Variants in MECR observed in about 807,000 individuals in gnomAD.
MECR encodes mitochondrial trans-2-enoyl-CoA reductase, also known as enoyl-[acyl-carrier-protein] reductase, mitochondrial.
Under a neutral mutation model 49.1 loss-of-function variants are expected in MECR, and 37 were observed. That is an observed-to-expected ratio of 0.75 (90% CI 0.58 to 0.99). MECR has a LOEUF of 0.99. MECR is among the 50% of genes least tolerant of loss of function. The pLI is 0.00. For synonymous variants in MECR, 198 were observed against 191.1 expected, an observed-to-expected ratio of 1.04 and a Z score of -0.30; for missense variants, 470 against 479.6, an observed-to-expected ratio of 0.98 and a Z score of 0.19.
the MECR span, chr1:29,172,821 T>C: frequency 6.6e-6 from 1 of 152,100 alleles, no homozygotes; most frequent in South Asian, 2.1e-4. Context: ...ATGCACATAA[T>C]ACCCATCACA....
chr1:29,181,494 C>T, the MECR span: 3 of 604,810 alleles, frequency 5.0e-6, no homozygotes, highest in African/African-American at 3.9e-5. Flanking sequence ...CCGGGGCCTA[C>T]CCGCGCCCCC....
chr1:29,209,488 G>A (rs1002547423), intron 3 of MECR, among the ~76,000 whole-genome samples: 1 of 152,134 alleles, frequency 6.6e-6, no homozygotes, highest in South Asian at 2.1e-4. Flanking sequence ...GTGGAGTGGG[G>A]AGGGGCAGCG....
chr1:29,230,898 G>A lies in MECR; in HGVS notation c.9C>T (p.Val3=), dbSNP rs1187490458. The change falls in exon 1 of 10, where the codon GTC becomes GTT. Residue 3 remains valine, a synonymous_variant. Transcript: ENST00000263702. Reference sequence around the variant, plus strand: ...TTCGCACCCGCCACAGGGTACTGCAGACCCACATGCTCGCTCCAACCAACA... The same window carrying A: ...TTCGCACCCGCCACAGGGTACTGCAAACCCACATGCTCGCTCCAACCAACA... MW[V]CSTLWRVRTP... The A allele has an allele frequency of 3.1e-6, 5 of 1,604,546 alleles. No individual in the cohort carries two copies. The highest frequency in any genetic ancestry group is 3.4e-6 in the Non-Finnish European group (4 of 1,178,298).
Position 29,216,932 on chromosome 1 carries a change from C to CA in MECR, c.177-248dup. On this transcript the variant is annotated intron_variant, in intron 1 of 9. Coordinates refer to ENST00000263702, the MANE Select transcript of MECR (RefSeq NM_016011.5). ...GGCGGATAACCTGAGGTCAGGAGTT[C>CA]AAGACCAGCCTGGCCAACATGGTGA... 4.4e-6 allele frequency: 3 copies of CA among 680,576 alleles called. No homozygotes were observed. In the South Asian group the frequency reaches 7.1e-5, roughly 16 times the overall value. 42.2% of individuals were successfully genotyped at this position (680,576 alleles called of 1,614,324 possible).
chr1:29,182,003 A>C, the MECR span: 30 of 339,842 alleles, frequency 8.8e-5, no homozygotes, highest in Admixed American at 1.2e-3. Flanking sequence ...CTGGGGGAGG[A>C]GCTTGCCCGG....
chr1:29,217,031 G>A (rs1299009395), intron 1 of MECR, among the ~76,000 whole-genome samples: 4 of 149,948 alleles, frequency 2.7e-5, no homozygotes, highest in South Asian at 2.1e-4. Flanking sequence ...CTACTCGGGT[G>A]GCTGAGGCAG....
At chr1:29,198,991 A>C (rs1247375401) in intron 7 of MECR, among the ~76,000 whole-genome samples, 1 of 152,116 alleles carries the variant, frequency 6.6e-6, no homozygotes, top group African/African-American at 2.4e-5. Context: ...GGGAAGGGTA[A>C]GTCAAGCGCT....
the MECR span, among the ~76,000 whole-genome samples, chr1:29,174,235 A>T: frequency 2.0e-5 from 3 of 152,104 alleles, no homozygotes; most frequent in Non-Finnish European, 4.4e-5. Context: ...AGGAGCTCTT[A>T]AACACCGCAG....
the MECR span, among the ~76,000 whole-genome samples, chr1:29,178,505 G>A: frequency 4.6e-5 from 7 of 151,916 alleles, no homozygotes; most frequent in South Asian, 1.0e-3. Context: ...CACCATGCCC[G>A]GCTACTTTTT....
intron 1 of MECR, 110 bp from the exon 2 acceptor site, chr1:29,216,795 T>C: frequency 6.3e-7 from 1 of 1,576,578 alleles, no homozygotes; most frequent in Non-Finnish European, 8.6e-7. Flanking sequence ...CTGCCATGTG[T>C]GCCCAGGAAT....
intron 1 of MECR, among the ~76,000 whole-genome samples, chr1:29,218,581 G>GT (rs548948375): frequency 2.0e-4 from 30 of 152,274 alleles, no homozygotes; most frequent in Non-Finnish European, 3.8e-4. Context: ...TTGAAGAAAT[G>GT]TTTTATAATA....
the MECR span, among the ~76,000 whole-genome samples, chr1:29,187,329 C>T: frequency 6.6e-6 from 1 of 151,916 alleles, no homozygotes; most frequent in Non-Finnish European, 1.5e-5. Flanking sequence ...TCTCGTGCCT[C>T]AGCCTCCCGA....
chr1:29,227,385 A>T (rs570786537), intron 1 of MECR, among the ~76,000 whole-genome samples: 1 of 152,308 alleles, frequency 6.6e-6, no homozygotes, highest in East Asian at 1.9e-4. Context: ...CTTTACTTAG[A>T]TCTACAGTTT....
chr1:29,211,088 G>GTTT (rs112758931), intron 3 of MECR, among the ~76,000 whole-genome samples: 16 of 144,154 alleles, frequency 1.1e-4, no homozygotes, highest in African/African-American at 2.0e-4. Flanking sequence ...TAAATAAAGG[G>GTTT]TTTTTTTTTT....
At chr1:29,199,064 C>T (rs975479739) in intron 7 of MECR, among the ~76,000 whole-genome samples, 8 of 152,234 alleles carry the variant, frequency 5.3e-5, no homozygotes, top group African/African-American at 1.4e-4. Context: ...CTCACCTGCT[C>T]ATCAAGCCTG....
the MECR span, among the ~76,000 whole-genome samples, chr1:29,177,448 A>C: frequency 6.6e-6 from 1 of 152,002 alleles, no homozygotes; most frequent in African/African-American, 2.4e-5. Context: ...CGCCCGGCTA[A>C]CTTTGTATTT....
At chr1:29,228,075 C>T (rs1257245483) in intron 1 of MECR, among the ~76,000 whole-genome samples, 2 of 152,088 alleles carry the variant, frequency 1.3e-5, no homozygotes, top group Non-Finnish European at 1.5e-5. Context: ...ACGGTAGTTT[C>T]TAAAAGCACT....
At position 29,193,678 on chromosome 1, in the gene MECR, C is replaced by A; in HGVS notation, c.*344G>T. 4.0e-6 allele frequency: 1 copy of A among 247,886 alleles called. No homozygotes were observed. 15.4% of individuals were successfully genotyped at this position (247,886 alleles called of 1,614,324 possible). A position where few individuals can be genotyped will look rare whatever the true frequency, so the allele number is the denominator to read the frequency against. On this transcript the variant is annotated 3_prime_UTR_variant, in exon 10 of 10. Transcript: ENST00000263702. The stretch of plus-strand genomic sequence containing the variant: ...CTACTGGCCTTTGCACTGCCAGTAC[C>A]CACCCAGGCTTTGCTTTCAGGGTGG...
the MECR span, among the ~76,000 whole-genome samples, chr1:29,177,637 G>A: frequency 6.6e-6 from 1 of 151,970 alleles, no homozygotes; most frequent in South Asian, 2.1e-4. Flanking sequence ...GACCTTAATG[G>A]GAAATGGAAT....
Sources: gnomAD v4.1 joint callset for allele counts (sites outside exome capture counted in the v4.1 genomes callset) on GRCh38, gnomAD v4.1.1 for gene constraint, MANE v1.5 for transcripts, NCBI Gene and HGNC (gene_info 2026-07-23, HGNC 2026-07-21) for gene names.